Variants in MBTD1 observed in about 807,000 individuals in gnomAD.
The protein encoded by MBTD1 is MBT domain-containing protein 1.
Under a neutral mutation model 87.8 loss-of-function variants are expected in MBTD1, and 24 were observed. The ratio of observed to expected loss-of-function variants is 0.27; its 90% confidence interval spans 0.20 to 0.38. The LOEUF (loss-of-function observed/expected upper bound fraction) is 0.38, where lower values mean the gene tolerates loss of function less well. Ranked by LOEUF, MBTD1 falls within the 10% of genes least tolerant of loss-of-function variation. The pLI is 1.00. For synonymous variants in MBTD1, 237 were observed against 248.6 expected, an observed-to-expected ratio of 0.95 and a Z score of 0.44; for missense variants, 436 against 760.2, an observed-to-expected ratio of 0.57 and a Z score of 5.02.
At chr17:51,256,050 G>A (rs1328634911) in intron 2 of MBTD1, among the ~76,000 whole-genome samples, 1 of 152,108 alleles carries the variant, frequency 6.6e-6, no homozygotes, top group Non-Finnish European at 1.5e-5. Flanking sequence ...AAACTAATGA[G>A]TATTATATAC....
rs561384739 is a variant in MBTD1 at position 51,179,884 on chromosome 17, T to A, written c.*692A>T. 6.6e-6 allele frequency: 1 copy of A among 152,250 alleles called. No individual in the cohort carries two copies. Among genetic ancestry groups the A allele is most frequent in the East Asian group, 1.9e-4 (1 of 5,180 alleles). 9.4% of individuals were successfully genotyped at this position (152,250 alleles called of 1,614,324 possible). A position where few individuals can be genotyped will look rare whatever the true frequency, so the allele number is the denominator to read the frequency against. On this transcript the variant is annotated 3_prime_UTR_variant, in exon 17 of 17. Coordinates refer to ENST00000586178, the MANE Select transcript of MBTD1 (RefSeq NM_017643.3). ...CCATTCCAGTTTAACACTTTAGTGT[T>A]AGGATAATTCTAATCATTTTTTTAA...
chr17:51,193,075 C>A, intron 14 of MBTD1, 59 bp from the exon 15 acceptor site: 2 of 1,148,360 alleles, frequency 1.7e-6, no homozygotes, highest in Non-Finnish European at 2.6e-6. Context: ...CACAACCCTA[C>A]TATCACTAAG....
intron 2 of MBTD1, chr17:51,256,496 C>T (rs1472235474): frequency 6.6e-6 from 1 of 152,180 alleles, no homozygotes; most frequent in Admixed American, 6.5e-5. Context: ...CCAGGACCCA[C>T]TGCAGACCTA....
rs1044633065 is a variant in MBTD1, at chr17:51,202,894, T to A, written c.870A>T (p.Arg290Ser). 1.9e-6 allele frequency: 3 copies of A among 1,613,996 alleles called. No homozygotes were observed. The highest frequency in any genetic ancestry group is 3.3e-5 in the Admixed American group (2 of 60,004). The change falls in exon 10 of 17, where the codon AGA becomes AGT. Residue 290 changes from arginine (R) to serine (S), a missense_variant. Coordinates refer to ENST00000586178, the MANE Select transcript of MBTD1 (RefSeq NM_017643.3). ...SMQYPFKPCM[R>S]VEVVDKRHLC... ...AATGCCTCTTGTCAACCACTTCTAC[T>A]CTCATGCAAGGTTTGAAAGGATACT...
chr17:51,255,063 A>C (rs539428669), intron 2 of MBTD1, among the ~76,000 whole-genome samples: 1 of 152,314 alleles, frequency 6.6e-6, no homozygotes, highest in South Asian at 2.1e-4. Flanking sequence ...CGGGCAGATC[A>C]CAAGGTCAGG....
intron 2 of MBTD1, among the ~76,000 whole-genome samples, chr17:51,247,908 T>C (rs74380347): frequency 0.019 from 2,844 of 152,260 alleles, 63 homozygotes; most frequent in African/African-American, 0.046. Context: ...TCTAGGAAAA[T>C]TGGTCTTATT....
At chr17:51,239,703 A>C (rs1295893788) in intron 2 of MBTD1, among the ~76,000 whole-genome samples, 1 of 152,142 alleles carries the variant, frequency 6.6e-6, no homozygotes, top group African/African-American at 2.4e-5. Context: ...TTTATCCCCC[A>C]GCGGTGACAA....
At chr17:51,260,846 G>A, upstream of MBTD1, 1 of 1,600,836 alleles carries the variant, frequency 6.2e-7, no homozygotes, top group Non-Finnish European at 8.5e-7. Flanking sequence ...ACCGGCCGTG[G>A]AGCGGTGCTT....
chr17:51,259,635 G>C (rs2055340409), intron 1 of MBTD1, among the ~76,000 whole-genome samples, 200 bp downstream of exon 1: 1 of 150,204 alleles, frequency 6.7e-6, no homozygotes, highest in African/African-American at 2.4e-5. Context: ...ACGAGTCCAA[G>C]GCTGACGGGG....
intron 16 of MBTD1, among the ~76,000 whole-genome samples, chr17:51,181,642 G>A (rs2050318113): frequency 6.6e-6 from 1 of 152,100 alleles, no homozygotes; most frequent in Non-Finnish European, 1.5e-5. Context: ...GAGTGGCAGA[G>A]TGAGACCCTG....
chr17:51,240,765 T>G (rs2144017793), intron 2 of MBTD1, among the ~76,000 whole-genome samples: 1 of 152,214 alleles, frequency 6.6e-6, no homozygotes, highest in South Asian at 2.1e-4. Context: ...GAACAGGGAG[T>G]TATATACTCC....
intron 16 of MBTD1, among the ~76,000 whole-genome samples, chr17:51,188,305 C>G (rs2050639697): frequency 6.6e-6 from 1 of 152,178 alleles, no homozygotes; most frequent in Non-Finnish European, 1.5e-5. Flanking sequence ...GAACCTTATA[C>G]TTATTCTCAA....
intron 2 of MBTD1, among the ~76,000 whole-genome samples, chr17:51,236,013 CTCTA>C (rs762802848): frequency 5.3e-5 from 8 of 152,010 alleles, no homozygotes; most frequent in African/African-American, 4.8e-5. Context: ...ATCGGTCTCT[CTCTA>C]TATGTATGTC....
intron 13 of MBTD1, among the ~76,000 whole-genome samples, chr17:51,194,873 G>C (rs536671950): frequency 2.6e-5 from 4 of 152,114 alleles, no homozygotes; most frequent in African/African-American, 9.6e-5. Context: ...CTGGGCAACA[G>C]AGCAAGACCC....
At chr17:51,250,457 C>T (rs2054712284) in intron 2 of MBTD1, 2 of 152,174 alleles carry the variant, frequency 1.3e-5, no homozygotes, top group Admixed American at 1.3e-4. Flanking sequence ...TGAGTTCCTG[C>T]ATGTTCAAAC....
intron 16 of MBTD1, among the ~76,000 whole-genome samples, chr17:51,181,317 G>A (rs1405727428): frequency 6.6e-6 from 1 of 152,120 alleles, no homozygotes; most frequent in Non-Finnish European, 1.5e-5. Flanking sequence ...GAGCCACCGT[G>A]CCCGGCCTCA....
chr17:51,184,648 A>G (rs2050454813), intron 16 of MBTD1: 1 of 152,238 alleles, frequency 6.6e-6, no homozygotes, highest in African/African-American at 2.4e-5. Context: ...CAGAAGTTCC[A>G]TTTTAAATGA....
At chr17:51,180,892 A>G (rs2050275338) in intron 16 of MBTD1, among the ~76,000 whole-genome samples, 198 bp from the exon 17 acceptor site, 1 of 152,202 alleles carries the variant, frequency 6.6e-6, no homozygotes, top group African/African-American at 2.4e-5. Flanking sequence ...CTTCAATGAA[A>G]TGTTCGCAGT....
chr17:51,185,315 C>G (rs1234418854), intron 16 of MBTD1: 1 of 152,174 alleles, frequency 6.6e-6, no homozygotes, highest in African/African-American at 2.4e-5. Flanking sequence ...TGTACTCATG[C>G]CTGAAGTTCA....
Sources: allele counts gnomAD v4.1 joint callset (sites outside exome capture counted in the v4.1 genomes callset), GRCh38; gene constraint gnomAD v4.1.1; transcripts MANE v1.5; gene names NCBI Gene and HGNC (gene_info 2026-07-23, HGNC 2026-07-21).